The following OXR1 variants were observed in gnomAD, a reference collection of about 807,000 sequenced individuals.
OXR1 encodes oxidation resistance 1.
Under a neutral mutation model 104.6 loss-of-function variants are expected in OXR1, and 41 were observed. That is an observed-to-expected ratio of 0.39 (90% confidence interval 0.31 to 0.51). OXR1 has a LOEUF of 0.51. Among genes scored for constraint, OXR1 ranks in the 20% least tolerant of loss-of-function variants. The pLI is 0.77. For synonymous variants in OXR1, 348 were observed against 348.4 expected (o/e 1.00, Z 0.01); for missense variants, 955 against 1,031.9 (o/e 0.93, Z 1.02).
Position 106,428,629 on chromosome 8 carries a change from A to G in OXR1, c.23+68993A>G, listed in dbSNP as rs1382574627. 4.7e-5 allele frequency among the ~76,000 whole-genome samples: 7 copies of G among 148,362 alleles called. No homozygotes were observed. The East Asian group carries it at 1.4e-3, about 29-fold the overall frequency. On this transcript the variant is annotated intron_variant, in intron 2 of 16. Transcript: ENST00000517566. ...ATGTCTTTTTTTTTTTTTTTTAAAC[A>G]TCTAGTTGACAAACTGTAAATGACA... is the stretch of plus-strand genomic sequence containing the variant.
At chr8:106,633,156 C>T (rs964614814) in intron 3 of OXR1, among the ~76,000 whole-genome samples, 48 of 151,812 alleles carry the variant, frequency 3.2e-4, no homozygotes, top group African/African-American at 9.7e-4. Context: ...TGCTTGAACC[C>T]GGGAGGCAGA....
chr8:106,301,198 C>T lies in OXR1; in HGVS notation c.-139+30831C>T, dbSNP rs149033910. Among the ~76,000 whole-genome samples, 48 of 152,230 alleles carry T rather than the reference C, an allele frequency of 3.2e-4. No individual in the cohort carries two copies. In the East Asian group the frequency reaches 8.7e-3, roughly 28 times the overall value. On this transcript the variant is annotated intron_variant, in intron 1 of 16. Coordinates refer to ENST00000517566, the MANE Select transcript of OXR1 (RefSeq NM_001198533.2). Reference sequence around the variant, plus strand: ...TGGAGCCAAAGATTTGAAGAAGCAGCGCTTGTCACTGATAGGGTGTTGTTT... The same window carrying T: ...TGGAGCCAAAGATTTGAAGAAGCAGTGCTTGTCACTGATAGGGTGTTGTTT...
intron 8 of OXR1, among the ~76,000 whole-genome samples, chr8:106,704,581 A>G (rs1355298339): frequency 6.6e-6 from 1 of 151,768 alleles, no homozygotes; most frequent in Admixed American, 6.6e-5. Context: ...TATTTTTAGT[A>G]GAGACGGGGT....
intron 2 of OXR1, among the ~76,000 whole-genome samples, chr8:106,447,491 T>C (rs537007445): frequency 6.6e-6 from 1 of 152,220 alleles, no homozygotes; most frequent in Admixed American, 6.5e-5. Flanking sequence ...TTGTTTATTC[T>C]GATCGATGGA....
At chr8:106,454,325 GT>G (rs1409635100) in intron 2 of OXR1, among the ~76,000 whole-genome samples, 1 of 151,914 alleles carries the variant, frequency 6.6e-6, no homozygotes, top group Non-Finnish European at 1.5e-5. Context: ...GCCAGGCGTG[GT>G]GACATGCACC....
At chr8:106,287,369 T>C (rs909453335) in intron 1 of OXR1, among the ~76,000 whole-genome samples, 2 of 152,148 alleles carry the variant, frequency 1.3e-5, no homozygotes, top group Non-Finnish European at 2.9e-5. Context: ...GATAAGCTTT[T>C]TAACTAAAAA....
At chr8:106,296,179 A>C (rs1457753433) in intron 1 of OXR1, among the ~76,000 whole-genome samples, 1 of 152,138 alleles carries the variant, frequency 6.6e-6, no homozygotes, top group Non-Finnish European at 1.5e-5. Context: ...ATCAACTTGC[A>C]CTGTACTCCC....
chr8:106,307,953 A>G (rs1813531125), intron 1 of OXR1, among the ~76,000 whole-genome samples: 1 of 151,850 alleles, frequency 6.6e-6, no homozygotes, highest in African/African-American at 2.4e-5. Flanking sequence ...CAGAGAAATG[A>G]AACCAAAAGG....
At chr8:106,745,471 T>C (rs1835307982) in intron 15 of OXR1, among the ~76,000 whole-genome samples, 1 of 152,232 alleles carries the variant, frequency 6.6e-6, no homozygotes, top group South Asian at 2.1e-4. Flanking sequence ...TCAACTCATT[T>C]ACTTCTTTCT....
chr8:106,386,495 A>G (rs1817377251), intron 2 of OXR1, among the ~76,000 whole-genome samples: 1 of 152,232 alleles, frequency 6.6e-6, no homozygotes, highest in Non-Finnish European at 1.5e-5. Flanking sequence ...ACTGCCTTGA[A>G]GAATAACTAA....
chr8:106,311,855 A>G (rs1250211105), intron 1 of OXR1, among the ~76,000 whole-genome samples: 2 of 151,970 alleles, frequency 1.3e-5, no homozygotes, highest in African/African-American at 4.8e-5. Flanking sequence ...CTGCTAAGTT[A>G]GTTGTTTTTT....
chr8:106,654,815 T>C (rs1266042319), intron 3 of OXR1, among the ~76,000 whole-genome samples: 1 of 152,176 alleles, frequency 6.6e-6, no homozygotes, highest in Non-Finnish European at 1.5e-5. Context: ...CTTCTATGTA[T>C]ATATGTGAAA....
chr8:106,553,567 G>T (rs1023704580), intron 3 of OXR1, among the ~76,000 whole-genome samples: 1 of 152,176 alleles, frequency 6.6e-6, no homozygotes, highest in East Asian at 1.9e-4. Context: ...CGATCCACCT[G>T]CCTCGGTCTC....
chr8:106,700,517 A>G (rs938811514), intron 7 of OXR1, among the ~76,000 whole-genome samples: 6 of 152,336 alleles, frequency 3.9e-5, no homozygotes, highest in African/African-American at 9.6e-5. Flanking sequence ...GTAATAGCAC[A>G]TAAGGGAGAT....
chr8:106,439,637 G>T (rs1190861754), intron 2 of OXR1, among the ~76,000 whole-genome samples: 1 of 151,944 alleles, frequency 6.6e-6, no homozygotes, highest in Non-Finnish European at 1.5e-5. Context: ...AAAAGTCACT[G>T]CCCACCCCAC....
chr8:106,633,040 C>A (rs1334936156), intron 3 of OXR1, among the ~76,000 whole-genome samples: 2 of 151,960 alleles, frequency 1.3e-5, no homozygotes, highest in Admixed American at 6.6e-5. Flanking sequence ...TCAAGACAAG[C>A]CTGGCCAAGA....
intron 3 of OXR1, among the ~76,000 whole-genome samples, chr8:106,578,280 T>A (rs1817995963): frequency 6.6e-6 from 1 of 152,212 alleles, no homozygotes; most frequent in Non-Finnish European, 1.5e-5. Flanking sequence ...TTTCTGCTAT[T>A]GCTTTCTTTG....
At chr8:106,526,843 TA>T (rs1442996757) in intron 3 of OXR1, among the ~76,000 whole-genome samples, 2 of 152,192 alleles carry the variant, frequency 1.3e-5, no homozygotes, top group Non-Finnish European at 2.9e-5. Context: ...GCGCCATGTA[TA>T]GCTATTGTCT....
intron 6 of OXR1, among the ~76,000 whole-genome samples, chr8:106,685,875 C>A (rs1828663764): frequency 6.6e-6 from 1 of 152,088 alleles, no homozygotes; most frequent in Non-Finnish European, 1.5e-5. Context: ...GGAACCACCC[C>A]AAATGCCCAT....
Sources: allele counts gnomAD v4.1 joint callset (sites outside exome capture counted in the v4.1 genomes callset), GRCh38; gene constraint gnomAD v4.1.1; transcripts MANE v1.5; gene names NCBI Gene and HGNC (gene_info 2026-07-23, HGNC 2026-07-21).